The following TAPT1 variants were observed in gnomAD, a reference collection of about 807,000 sequenced individuals.
TAPT1 encodes the protein transmembrane anterior posterior transformation protein 1 homolog.
A neutral mutation model predicts 65.6 loss-of-function variants in TAPT1; 28 were observed. That is an observed-to-expected ratio of 0.43 (90% CI 0.32 to 0.59). The LOEUF (loss-of-function observed/expected upper bound fraction) is 0.59, where lower values mean the gene tolerates loss of function less well. Ranked by LOEUF, TAPT1 falls within the 20% of genes least tolerant of loss-of-function variation. TAPT1 has a pLI of 0.09. For synonymous variants in TAPT1, 278 were observed against 245.2 expected, an observed-to-expected ratio of 1.13 and a Z score of -1.25; for missense variants, 563 against 679.9, an observed-to-expected ratio of 0.83 and a Z score of 1.91.
intron 1 of TAPT1, among the ~76,000 whole-genome samples, chr4:16,219,074 G>C (rs188218959): frequency 2.0e-4 from 30 of 152,244 alleles, no homozygotes; most frequent in Middle Eastern, 3.4e-3. Flanking sequence ...TGAGTGTACA[G>C]CTCTCACAAC....
chr4:16,213,071 A>G (rs1160030801), intron 2 of TAPT1, among the ~76,000 whole-genome samples: 2 of 152,260 alleles, frequency 1.3e-5, no homozygotes, highest in African/African-American at 2.4e-5. Flanking sequence ...CTACAGAAGT[A>G]TGAAAACATG....
At chr4:16,203,971 A>G (rs1296527069) in intron 2 of TAPT1, among the ~76,000 whole-genome samples, 1 of 152,220 alleles carries the variant, frequency 6.6e-6, no homozygotes, top group African/African-American at 2.4e-5. Flanking sequence ...ACGATGCTAG[A>G]TTAGCATAGA....
At position 16,166,096 on chromosome 4, in the gene TAPT1, T is replaced by G. The variant is rs80208863; in HGVS notation, c.1474+537A>C. On this transcript the variant is annotated intron_variant, in intron 13 of 13. Transcript: ENST00000405303. ...CCATCTGGCTTTTAATGTCCTTTGATGCGCCAAGCATCTTCCTGCCTTGGT... is the reference window on the plus strand; with the variant it reads ...CCATCTGGCTTTTAATGTCCTTTGAGGCGCCAAGCATCTTCCTGCCTTGGT... 4.4e-3 allele frequency among the ~76,000 whole-genome samples: 672 copies of G among 152,300 alleles called. 6 individuals are homozygous for G. Among genetic ancestry groups the G allele is most frequent in the African/African-American group, 0.015 (636 of 41,580 alleles).
At chr4:16,227,349 C>T (rs2108909897), upstream of TAPT1, 1 of 455,170 alleles carries the variant, frequency 2.2e-6, no homozygotes, top group African/African-American at 2.0e-5. Context: ...CTTTCCAGCT[C>T]TGGCGTGTGA....
At chr4:16,165,003 A>G (rs1747502001) in intron 13 of TAPT1, among the ~76,000 whole-genome samples, 1 of 152,158 alleles carries the variant, frequency 6.6e-6, no homozygotes, top group African/African-American at 2.4e-5. Flanking sequence ...CACACTTGCC[A>G]TATTGAGCTG....
At chr4:16,226,545 G>A (rs1448824753), upstream of TAPT1, 38 of 876,566 alleles carry the variant, frequency 4.3e-5, no homozygotes, top group African/African-American at 5.6e-5. Context: ...GCCCCTCGCC[G>A]GAGCCCGAGC....
chr4:16,186,982 T>C, intron 5 of TAPT1, 104 bp from the exon 6 acceptor site: 1 of 666,686 alleles, frequency 1.5e-6, no homozygotes, highest in South Asian at 2.0e-5. Flanking sequence ...CTTTTCTAAA[T>C]TGTCTTAATA....
upstream of TAPT1, chr4:16,226,591 C>T (rs1042093683): frequency 3.7e-6 from 2 of 543,220 alleles, no homozygotes; most frequent in Non-Finnish European, 4.7e-6. Context: ...GGCCCGCCGA[C>T]CGGCGCGAGC....
intron 2 of TAPT1, 104 bp downstream of exon 2, chr4:16,213,664 A>G: frequency 7.8e-6 from 8 of 1,025,524 alleles, no homozygotes; most frequent in Non-Finnish European, 1.1e-5. Context: ...ACATTATTTC[A>G]ATTATTTAAA....
At chr4:16,166,096 T>C (rs80208863) in intron 13 of TAPT1, among the ~76,000 whole-genome samples, 4 of 152,182 alleles carry the variant, frequency 2.6e-5, no homozygotes, top group Non-Finnish European at 5.9e-5. Flanking sequence ...TGTCCTTTGA[T>C]GCGCCAAGCA....
At chr4:16,202,387 T>C (rs1477649236) in intron 3 of TAPT1, 75 bp downstream of exon 3, 6 of 942,612 alleles carry the variant, frequency 6.4e-6, no homozygotes, top group Non-Finnish European at 9.8e-6. Flanking sequence ...GAATTATCCT[T>C]ACTCTGCAAC....
upstream of TAPT1, chr4:16,227,101 A>C (rs1412957352): frequency 4.4e-6 from 2 of 455,130 alleles, no homozygotes; most frequent in Non-Finnish European, 8.8e-6. Flanking sequence ...TGCCTGTTAC[A>C]TTCCCTGGCC....
chr4:16,198,437 G>A (rs1192700175), intron 3 of TAPT1, among the ~76,000 whole-genome samples: 6 of 152,034 alleles, frequency 3.9e-5, no homozygotes, highest in Non-Finnish European at 8.8e-5. Flanking sequence ...CTGTTTTCAC[G>A]TCAGCATTGT....
At chr4:16,183,913 T>A (rs1029701231) in intron 7 of TAPT1, among the ~76,000 whole-genome samples, 4 of 152,240 alleles carry the variant, frequency 2.6e-5, no homozygotes, top group Non-Finnish European at 5.9e-5. Flanking sequence ...CATGGCCTCA[T>A]AGAATCATCT....
Position 16,179,562 on chromosome 4 carries a change from TTAAGAG to T in TAPT1, c.997+9_997+14del. The T allele has an allele frequency of 6.8e-7, 1 of 1,475,630 alleles. No individual in the cohort carries two copies. Among genetic ancestry groups the T allele is most frequent in the Non-Finnish European group, 9.1e-7 (1 of 1,095,930 alleles). 91.4% of individuals were successfully genotyped at this position (1,475,630 alleles called of 1,614,324 possible). ...AGTAAAATTATAAGACACTGTTTTGTTAAGAGTGAGTTACCTGGATTCCAAGAAAAC... is the reference window on the plus strand; with the variant it reads ...AGTAAAATTATAAGACACTGTTTTGTTGAGTTACCTGGATTCCAAGAAAAC... On this transcript the variant is annotated intron_variant, in intron 8 of 13. Coordinates refer to ENST00000405303, the MANE Select transcript of TAPT1 (RefSeq NM_153365.3).
chr4:16,200,796 A>C (rs779305184), intron 3 of TAPT1, among the ~76,000 whole-genome samples: 48 of 152,218 alleles, frequency 3.2e-4, no homozygotes, highest in Non-Finnish European at 4.7e-4. Flanking sequence ...AGCTCCCAGG[A>C]GTGATAAAAG....
intron 3 of TAPT1, among the ~76,000 whole-genome samples, chr4:16,200,419 G>A (rs1189817157): frequency 6.6e-6 from 1 of 152,112 alleles, no homozygotes; most frequent in East Asian, 1.9e-4. Context: ...ACTTCTCAGG[G>A]TCAAGTGATT....
At chr4:16,212,745 C>T (rs1750719065) in intron 2 of TAPT1, among the ~76,000 whole-genome samples, 1 of 152,256 alleles carries the variant, frequency 6.6e-6, no homozygotes, top group Admixed American at 6.5e-5. Context: ...TCTTTGCTTG[C>T]TCACCAGCTC....
At chr4:16,195,942 T>C (rs536106377) in intron 3 of TAPT1, among the ~76,000 whole-genome samples, 1 of 152,344 alleles carries the variant, frequency 6.6e-6, no homozygotes, top group South Asian at 2.1e-4. Flanking sequence ...TGTTGAAACA[T>C]GCCAGAGTAT....
Sources: allele counts gnomAD v4.1 joint callset (sites outside exome capture counted in the v4.1 genomes callset), GRCh38; gene constraint gnomAD v4.1.1; transcripts MANE v1.5; gene names NCBI Gene and HGNC (gene_info 2026-07-23, HGNC 2026-07-21).